Variants in TRERF1 observed in about 807,000 individuals in gnomAD.
TRERF1 encodes the protein transcriptional-regulating factor 1.
In TRERF1, 27 loss-of-function variants were observed where a neutral mutation model predicts 122.9. The observed-to-expected ratio is 0.22, with a 90% confidence interval of 0.16 to 0.30. TRERF1 has a LOEUF of 0.30. TRERF1 is among the 10% of genes least tolerant of loss of function. The pLI is 1.00. For synonymous variants in TRERF1, 636 were observed against 641.7 expected (o/e 0.99, Z 0.13); for missense variants, 1,248 against 1,560.3 (o/e 0.80, Z 3.37).
intron 2 of TRERF1, among the ~76,000 whole-genome samples, chr6:42,397,093 C>A (rs1031287964): frequency 9.9e-5 from 15 of 152,114 alleles, no homozygotes; most frequent in Admixed American, 8.5e-4. Flanking sequence ...GCAGTGGATT[C>A]TAAGATTAAC....
In TRERF1 at chr6:42,269,429, G is replaced by A. The variant is rs964565868; in HGVS notation, c.162C>T (p.Ser54=). 1 of 1,614,192 alleles carries A rather than the reference G, an allele frequency of 6.2e-7. No homozygotes were observed. The highest frequency in any genetic ancestry group is 8.5e-7 in the Non-Finnish European group (1 of 1,180,034). ...CCCGTGTATCTTGAGGGAAGTGGGG[G>A]GAGATTGGCGAGGCCTGAGGGGCAT... Residue 54 remains serine (S), a synonymous_variant, in exon 5 of 18, where the codon TCC becomes TCT. Coordinates refer to ENST00000372922, the Ensembl canonical transcript of TRERF1. This position sits in a 1 kb window ranked among gnomAD's most constrained non-coding sequence, Gnocchi z 4.9.
intron 2 of TRERF1, among the ~76,000 whole-genome samples, chr6:42,428,755 C>T (rs775559916): frequency 1.3e-5 from 2 of 152,216 alleles, no homozygotes; most frequent in African/African-American, 2.4e-5. Context: ...GCCCTGACTC[C>T]GAAAGGCCTG....
At chr6:42,344,936 T>C (rs1767982355) in intron 3 of TRERF1, among the ~76,000 whole-genome samples, 1 of 152,222 alleles carries the variant, frequency 6.6e-6, no homozygotes, top group Non-Finnish European at 1.5e-5. Context: ...CTCTGTTTTG[T>C]TCATTGCTAT....
Position 42,228,261 on chromosome 6 carries a change from C to A in TRERF1, c.*84G>T. On this transcript the variant is annotated 3_prime_UTR_variant, in exon 18 of 18. Transcript: ENST00000372922. This position sits in a 1 kb window ranked among gnomAD's most constrained non-coding sequence, Gnocchi z 4.2. ...TAAAACAGGTAGTTTAAAAGGGTTA[C>A]AAAACAAGCAGGCAGTCCAGGTTTC... 1 of 1,260,624 alleles carries A rather than the reference C, an allele frequency of 7.9e-7. No homozygotes were observed. The highest frequency in any genetic ancestry group is 1.1e-6 in the Non-Finnish European group (1 of 924,408). 78.1% of individuals were successfully genotyped at this position (1,260,624 alleles called of 1,614,324 possible).
intron 4 of TRERF1, among the ~76,000 whole-genome samples, chr6:42,271,842 A>G (rs1780275337): frequency 6.6e-6 from 1 of 152,216 alleles, no homozygotes; most frequent in East Asian, 1.9e-4. Context: ...TATGGTAGGG[A>G]AACAAGTGAA....
At chr6:42,328,495 C>T (rs1764703178) in intron 3 of TRERF1, among the ~76,000 whole-genome samples, 1 of 152,150 alleles carries the variant, frequency 6.6e-6, no homozygotes, top group African/African-American at 2.4e-5. Flanking sequence ...TCTCCCTCCT[C>T]CCAGCCTCCA....
At chr6:42,353,019 A>G (rs1331901760) in intron 3 of TRERF1, among the ~76,000 whole-genome samples, 2 of 152,178 alleles carry the variant, frequency 1.3e-5, no homozygotes, top group African/African-American at 4.8e-5. Context: ...TAGCTTTCCC[A>G]GGCAGGGTGC....
intron 2 of TRERF1, among the ~76,000 whole-genome samples, chr6:42,410,552 T>C (rs1780960936): frequency 6.6e-6 from 1 of 152,068 alleles, no homozygotes; most frequent in African/African-American, 2.4e-5. Flanking sequence ...AAATCAAACA[T>C]CTCCTCTGTG....
chr6:42,414,927 A>T (rs1781618570), intron 2 of TRERF1, among the ~76,000 whole-genome samples: 1 of 152,232 alleles, frequency 6.6e-6, no homozygotes, highest in Non-Finnish European at 1.5e-5. Context: ...CTATTAGTGG[A>T]ACTGCTGGGT....
At chr6:42,256,116 G>A (rs1414274446) in intron 12 of TRERF1, among the ~76,000 whole-genome samples, 1 of 140,504 alleles carries the variant, frequency 7.1e-6, no homozygotes, top group Non-Finnish European at 1.5e-5. Flanking sequence ...GGGCGATAGA[G>A]TGAGACTCCA....
intron 2 of TRERF1, among the ~76,000 whole-genome samples, chr6:42,446,701 TA>T (rs1310548531): frequency 6.6e-6 from 1 of 152,020 alleles, no homozygotes; most frequent in African/African-American, 2.4e-5. Context: ...CTTATGGCAT[TA>T]AAAAAACCCT....
intron 3 of TRERF1, among the ~76,000 whole-genome samples, chr6:42,351,994 T>C (rs992322125): frequency 1.3e-5 from 2 of 152,030 alleles, no homozygotes; most frequent in African/African-American, 4.8e-5. Flanking sequence ...CATAATTTGG[T>C]GCGGGTGTTG....
rs1281518681 is a variant in TRERF1 at position 42,451,723 on chromosome 6, TA to T, written c.-539+297del. ...CTGATGCTGGAAACTTACTCCCAGA[TA>T]TAGCGCCCGCCAGCCCCCTTTCCCA... On this transcript the variant is annotated intron_variant, in intron 1 of 17. It introduces an in-frame stop codon into an upstream open reading frame of the 5' UTR. Transcript: ENST00000372922. Among the ~76,000 whole-genome samples the T allele has an allele frequency of 1.4e-4, 21 of 150,502 alleles. No individual in the cohort carries two copies. Among genetic ancestry groups the T allele is most frequent in the Admixed American group, 1.4e-3 (21 of 15,076 alleles).
chr6:42,259,019 G>A lies in TRERF1; in HGVS notation c.2269+320C>T, dbSNP rs1777292831. ...GAAAACGCTGGGATTACAGGTGTGA[G>A]CCACCGCGCCCGGTCTCATTTTTTC... On this transcript the variant is annotated intron_variant, in intron 9 of 17. Coordinates refer to ENST00000372922, the Ensembl canonical transcript of TRERF1. This position sits in a 1 kb window ranked among gnomAD's most constrained non-coding sequence, Gnocchi z 4.9. Among the ~76,000 whole-genome samples, 1 of 152,132 alleles carries A rather than the reference G, an allele frequency of 6.6e-6. No homozygotes were observed. The highest frequency in any genetic ancestry group is 1.5e-5 in the Non-Finnish European group (1 of 68,014).
At chr6:42,396,000 G>T (rs1279017072) in intron 2 of TRERF1, among the ~76,000 whole-genome samples, 1 of 152,030 alleles carries the variant, frequency 6.6e-6, no homozygotes, top group African/African-American at 2.4e-5. Context: ...TCTGATCAAT[G>T]GTCATGCACA....
chr6:42,293,730 C>T (rs1353891154), intron 4 of TRERF1, among the ~76,000 whole-genome samples: 1 of 150,178 alleles, frequency 6.7e-6, no homozygotes, highest in Non-Finnish European at 1.5e-5. Flanking sequence ...CCCACTTCCC[C>T]TGTCCTCCAC....
chr6:42,447,167 A>G (rs900000320), intron 2 of TRERF1, among the ~76,000 whole-genome samples: 5 of 152,196 alleles, frequency 3.3e-5, no homozygotes, highest in Admixed American at 1.3e-4. Flanking sequence ...ATGCTACCCC[A>G]TGCCAGCTCA....
intron 13 of TRERF1, 62 bp downstream of exon 13, chr6:42,254,789 A>G: frequency 2.7e-6 from 4 of 1,497,230 alleles, no homozygotes; most frequent in Non-Finnish European, 1.9e-6. Context: ...AAGTGACACA[A>G]CCGAACATGC....
intron 3 of TRERF1, among the ~76,000 whole-genome samples, chr6:42,311,819 G>A (rs1200688302): frequency 6.7e-6 from 1 of 150,352 alleles, no homozygotes; most frequent in South Asian, 2.1e-4. Context: ...GAGCAGAGGA[G>A]AGATGGGGTC....
Sources: gnomAD v4.1 joint callset for allele counts (sites outside exome capture counted in the v4.1 genomes callset) on GRCh38, gnomAD v4.1.1 for gene constraint, Gnocchi (gnomAD v3.1) non-coding constraint, MANE v1.5 for transcripts, NCBI Gene and HGNC (gene_info 2026-07-23, HGNC 2026-07-21) for gene names.